The following ELAVL1 variants were observed in gnomAD, a reference collection of about 807,000 sequenced individuals.
The protein encoded by ELAVL1 is ELAV-like protein 1.
ELAVL1 carries 1 observed loss-of-function variant against 28.4 expected under a neutral mutation model. The observed-to-expected ratio is 0.04, with a 90% confidence interval of 0.01 to 0.17. The LOEUF (loss-of-function observed/expected upper bound fraction) is 0.17, where lower values mean the gene tolerates loss of function less well. Among genes scored for constraint, ELAVL1 ranks in the 10% least tolerant of loss-of-function variants. The probability of loss-of-function intolerance (pLI) is 1.00; values close to 1 mark genes in which losing one functional copy is unlikely to be tolerated. For missense variants in ELAVL1, 157 were observed against 447.2 expected (o/e 0.35, Z 5.85); for synonymous variants, 174 against 183.5 (o/e 0.95, Z 0.42).
At position 7,981,201 on chromosome 19, in the gene ELAVL1, A is replaced by G. The variant is rs1199334924; in HGVS notation, c.173-15T>C. 2 of 1,613,952 alleles carry G rather than the reference A, an allele frequency of 1.2e-6. No homozygotes were observed. The highest frequency in any genetic ancestry group is 2.2e-5 in the East Asian group (1 of 44,896). ...CAAGCTGTGTCCTGTGCAAGAGAAC[A>G]TGAAGACATTGGTAAGCCAACCGTC... On this transcript the variant is annotated splice_polypyrimidine_tract_variant and intron_variant, in intron 2 of 5. Transcript: ENST00000407627. The surrounding 1 kb of genome is among the most constrained non-coding windows in gnomAD (Gnocchi z 4.2).
At chr19:7,988,435 G>A (rs988580216) in intron 2 of ELAVL1, among the ~76,000 whole-genome samples, 3 of 152,070 alleles carry the variant, frequency 2.0e-5, no homozygotes, top group African/African-American at 4.8e-5. Context: ...TGGCATAACC[G>A]GCTGAGTCAA....
chr19:7,997,936 G>A (rs2081055079), intron 1 of ELAVL1, among the ~76,000 whole-genome samples: 1 of 152,138 alleles, frequency 6.6e-6, no homozygotes, highest in African/African-American at 2.4e-5. Flanking sequence ...GGGCGACAGA[G>A]TGAGATCCTG....
chr19:7,981,005 A>T lies in ELAVL1; in HGVS notation c.276+78T>A. 7.0e-7 allele frequency: 1 copy of T among 1,424,398 alleles called. No homozygotes were observed. Among genetic ancestry groups the T allele is most frequent in the South Asian group, 1.2e-5 (1 of 86,562 alleles). The allele number at this position is 1,424,398 out of a possible 1,614,324, so 88.2% of individuals were successfully genotyped here. A position where few individuals can be genotyped will look rare whatever the true frequency, so the allele number is the denominator to read the frequency against. On this transcript the variant is annotated intron_variant, in intron 3 of 5. Coordinates refer to ENST00000407627, the MANE Select transcript of ELAVL1 (RefSeq NM_001419.3). This position sits in a 1 kb window ranked among gnomAD's most constrained non-coding sequence, Gnocchi z 4.2. The stretch of plus-strand genomic sequence containing the variant: ...TGTGCTCATAGTCCCTTGGAGAGTG[A>T]CTGTGAGGCTGGGCGGGGCTCAGCA...
intron 1 of ELAVL1, among the ~76,000 whole-genome samples, chr19:8,001,633 A>C (rs78846146): frequency 0.17 from 23,755 of 141,830 alleles, 2,182 homozygotes; most frequent in Non-Finnish European, 0.23. Context: ...TCTTAAAAAA[A>C]ATTTTTTTTT....
rs754747499 is a variant in ELAVL1, at chr19:7,991,645, T to C, written c.171A>G (p.Ala57=). The change falls in exon 2 of 6, where the codon GCA becomes GCG. Residue 57 remains alanine, a splice_region_variant and synonymous_variant. Coordinates refer to ENST00000407627, the MANE Select transcript of ELAVL1 (RefSeq NM_001419.3). ...ESAKLIRDKV[A]GHSLGYGFVN... ...ACTAAAACGCCTCCATTTCTTTACC[T>C]GCTACTTTATCCCGAATAAGTTTTG... 1 of 1,608,110 alleles carries C rather than the reference T, an allele frequency of 6.2e-7. No individual in the cohort carries two copies. Among genetic ancestry groups the C allele is most frequent in the Admixed American group, 1.7e-5 (1 of 59,242 alleles).
At position 7,982,152 on chromosome 19, in the gene ELAVL1, A is replaced by G. The variant is rs537019433; in HGVS notation, c.173-966T>C. 4.5e-4 allele frequency among the ~76,000 whole-genome samples: 68 copies of G among 152,338 alleles called. 1 individual carries two copies. The highest frequency in any genetic ancestry group is 1.4e-3 in the African/African-American group (59 of 41,566). Reference sequence around the variant, plus strand: ...GGGAGGGACTCGGGAGGGCAAGGGCAGGACCAGAGGGGACAGCCTCTGGGG... The same window carrying G: ...GGGAGGGACTCGGGAGGGCAAGGGCGGGACCAGAGGGGACAGCCTCTGGGG... On this transcript the variant is annotated intron_variant, in intron 2 of 5. Transcript: ENST00000407627. This position sits in a 1 kb window ranked among gnomAD's most constrained non-coding sequence, Gnocchi z 4.3.
chr19:7,978,335 C>T (rs775028962), intron 3 of ELAVL1, among the ~76,000 whole-genome samples: 4 of 152,072 alleles, frequency 2.6e-5, no homozygotes, highest in African/African-American at 9.7e-5. Flanking sequence ...TGTGACTAGA[C>T]GGCTGGGGCT....
chr19:7,973,549 G>T, intron 4 of ELAVL1, 176 bp downstream of exon 4: 1 of 770,522 alleles, frequency 1.3e-6, no homozygotes, highest in Non-Finnish European at 2.0e-6. Flanking sequence ...TTCTTTTAAT[G>T]CCATCTTACC....
intron 1 of ELAVL1, among the ~76,000 whole-genome samples, chr19:8,003,355 C>CAAAAAAAA (rs71165248): frequency 2.1e-4 from 13 of 61,034 alleles, no homozygotes; most frequent in East Asian, 1.3e-3. Context: ...GAAACTGTCT[C>CAAAAAAAA]AAAAAAAAAA....
In ELAVL1 at chr19:7,967,663, G is replaced by A. The variant is rs201498939; in HGVS notation, c.558C>T (p.Asn186=). ...GTGCCACGTTTTTGTTCTGGTTGGG[G>A]TTGGCTGCAAACTTCACTGTGATGG... ...SEPITVKFAA[N]PNQNKNVALL... Residue 186 remains asparagine, a synonymous_variant, in exon 5 of 6, where the codon AAC becomes AAT. Transcript: ENST00000407627. 13 of 1,614,246 alleles carry A rather than the reference G, an allele frequency of 8.1e-6. No homozygotes were observed. In the African/African-American group the frequency reaches 1.6e-4, roughly 20 times the overall value.
chr19:7,973,952 G>C (rs749237874), intron 3 of ELAVL1, 74 bp from the exon 4 acceptor site: 41 of 1,561,616 alleles, frequency 2.6e-5, no homozygotes, highest in Non-Finnish European at 3.6e-5. Flanking sequence ...TTGAATGCTG[G>C]GTTAGGAAAA....
rs1210014185 is a variant in ELAVL1 at position 7,982,682 on chromosome 19, C to T, written c.173-1496G>A. Reference sequence around the variant, plus strand: ...GAATGTTCCCATTACCTCTAGTCCACGCCCCAGCCGCTTCCTTAGTCTTTC... The same window carrying T: ...GAATGTTCCCATTACCTCTAGTCCATGCCCCAGCCGCTTCCTTAGTCTTTC... On this transcript the variant is annotated intron_variant, in intron 2 of 5. Transcript: ENST00000407627. The surrounding 1 kb of genome is among the most constrained non-coding windows in gnomAD (Gnocchi z 4.3). Among the ~76,000 whole-genome samples, 4 of 152,190 alleles carry T rather than the reference C, an allele frequency of 2.6e-5. No individual in the cohort carries two copies. The highest frequency in any genetic ancestry group is 4.8e-5 in the African/African-American group (2 of 41,444).
intron 2 of ELAVL1, among the ~76,000 whole-genome samples, chr19:7,989,846 T>C (rs188874395): frequency 5.9e-5 from 9 of 152,218 alleles, no homozygotes; most frequent in African/African-American, 2.2e-4. Context: ...AGTGCCTGCA[T>C]CTGAAGAGCT....
chr19:7,971,853 A>G (rs902963553), intron 4 of ELAVL1, among the ~76,000 whole-genome samples: 1 of 152,270 alleles, frequency 6.6e-6, no homozygotes, highest in Admixed American at 6.5e-5. Context: ...GGAGGAAGAG[A>G]GACTGATAAG....
At chr19:7,987,299 C>T (rs938694473) in intron 2 of ELAVL1, among the ~76,000 whole-genome samples, 10 of 152,174 alleles carry the variant, frequency 6.6e-5, no homozygotes, top group Non-Finnish European at 1.3e-4. Flanking sequence ...CTGGTGGCTC[C>T]GGCATGACAG....
At chr19:7,987,935 GA>G (rs1197099511) in intron 2 of ELAVL1, among the ~76,000 whole-genome samples, 2 of 152,188 alleles carry the variant, frequency 1.3e-5, no homozygotes, top group Non-Finnish European at 2.9e-5. Context: ...TGAACGGTTT[GA>G]GGAGGGGAGT....
chr19:7,974,183 T>C (rs377660495), intron 3 of ELAVL1, among the ~76,000 whole-genome samples: 5 of 152,038 alleles, frequency 3.3e-5, no homozygotes, highest in African/African-American at 1.2e-4. Flanking sequence ...TGGCTACCTC[T>C]CTGATGTGCT....
chr19:7,979,509 C>G lies in ELAVL1; in HGVS notation c.276+1574G>C, dbSNP rs1185416177. On this transcript the variant is annotated intron_variant, in intron 3 of 5. Coordinates refer to ENST00000407627, the MANE Select transcript of ELAVL1 (RefSeq NM_001419.3). The surrounding 1 kb of genome is among the most constrained non-coding windows in gnomAD (Gnocchi z 5.4). ...CGTTCTGCTCCACACCTCAGCCTGGCTGCCTCAGAAACAAGAACCTTCACA... is the reference window on the plus strand; with the variant it reads ...CGTTCTGCTCCACACCTCAGCCTGGGTGCCTCAGAAACAAGAACCTTCACA... 6.6e-6 allele frequency among the ~76,000 whole-genome samples: 1 copy of G among 152,254 alleles called. No homozygotes were observed. The highest frequency in any genetic ancestry group is 1.9e-4 in the East Asian group (1 of 5,196).
chr19:7,963,007 C>G lies in ELAVL1; in HGVS notation c.*476G>C, dbSNP rs948710592. ...CGGGACCTGCCTGGAAAAGGAACTT[C>G]CTGTCAACCAAAGCATACATCGCTT... On this transcript the variant is annotated 3_prime_UTR_variant, in exon 6 of 6. Transcript: ENST00000407627. The surrounding 1 kb of genome is among the most constrained non-coding windows in gnomAD (Gnocchi z 4.5). 2 of 156,376 alleles carry G rather than the reference C, an allele frequency of 1.3e-5. No homozygotes were observed. Among genetic ancestry groups the G allele is most frequent in the African/African-American group, 4.8e-5 (2 of 41,474 alleles). 9.7% of individuals were successfully genotyped at this position (156,376 alleles called of 1,614,324 possible).
Sources: allele counts gnomAD v4.1 joint callset (sites outside exome capture counted in the v4.1 genomes callset), GRCh38; gene constraint gnomAD v4.1.1; non-coding constraint Gnocchi (gnomAD v3.1); transcripts MANE v1.5; gene names NCBI Gene and HGNC (gene_info 2026-07-23, HGNC 2026-07-21).